Variants in C4orf50 observed in about 807,000 individuals in gnomAD.
C4orf50 encodes uncharacterized protein C4orf50.
In C4orf50, 80 loss-of-function variants were observed where a neutral mutation model predicts 77.2. The observed-to-expected ratio is 1.04, with a 90% CI of 0.87 to 1.25. The LOEUF (loss-of-function observed/expected upper bound fraction) is 1.25, where lower values mean the gene tolerates loss of function less well. C4orf50 is among the 50% of genes most tolerant of loss of function. The pLI is 0.00. For missense variants in C4orf50, 1,257 were observed against 1,152.9 expected (o/e 1.09, Z -1.31); for synonymous variants, 532 against 465.3 (o/e 1.14, Z -1.84).
In C4orf50 at chr4:5,958,587, T is replaced by C. The variant is rs1719098689; in HGVS notation, c.*788A>G. 6.6e-6 allele frequency: 1 copy of C among 152,148 alleles called. No homozygotes were observed. Among genetic ancestry groups the C allele is most frequent in the Non-Finnish European group, 1.5e-5 (1 of 68,048 alleles). 9.4% of individuals were successfully genotyped at this position (152,148 alleles called of 1,614,324 possible). On this transcript the variant is annotated 3_prime_UTR_variant, in exon 34 of 34. Transcript: ENST00000531445. This position sits in a 1 kb window ranked among gnomAD's most constrained non-coding sequence, Gnocchi z 5.4. ...GACACTTGCGTGCGTGCTGATTTACTCACAGGAGTATCTCTCCCATTGTCC... is the reference window on the plus strand; with the variant it reads ...GACACTTGCGTGCGTGCTGATTTACCCACAGGAGTATCTCTCCCATTGTCC...
chr4:6,010,901 A>T (rs1560603599), intron 24 of C4orf50, among the ~76,000 whole-genome samples: 1 of 152,240 alleles, frequency 6.6e-6, no homozygotes, highest in Non-Finnish European at 1.5e-5. Flanking sequence ...ACATGTATCA[A>T]CTTAGCCCAC....
At chr4:5,991,406 T>C (rs6446428) in intron 27 of C4orf50, among the ~76,000 whole-genome samples, 110,452 of 152,154 alleles carry the variant, frequency 0.73, 41,058 homozygotes, top group African/African-American at 0.87. Context: ...CTGGTGCAGG[T>C]GGTCCACTCC....
intron 25 of C4orf50, among the ~76,000 whole-genome samples, chr4:6,004,196 GGTGATGGTGA>G (rs1722066654): frequency 8.5e-6 from 1 of 118,152 alleles, no homozygotes. Flanking sequence ...TGGTGATGAT[GGTGATGGTGA>G]TGATGGTGAT....
exon 32 of C4orf50, chr4:5,967,421 A>C (rs116290136): frequency 1.9e-6 from 3 of 1,613,784 alleles, no homozygotes; most frequent in Non-Finnish European, 2.5e-6. Context: ...GACCTCTTAA[A>C]GCTGCCGTCA....
At position 5,905,940 on chromosome 4, in the gene C4orf50, G is replaced by C. The variant is rs1391914823; in HGVS notation, c.*2475-7752C>G. Among the ~76,000 whole-genome samples, 1 of 152,144 alleles carries C rather than the reference G, an allele frequency of 6.6e-6. No homozygotes were observed. Among genetic ancestry groups the C allele is most frequent in the East Asian group, 1.9e-4 (1 of 5,176 alleles). ...CAGGGGGGCGGGGGGCAGAGGGACGGATGCCCTGCTTGCCCTCCTCACGTT... is the reference window on the plus strand; with the variant it reads ...CAGGGGGGCGGGGGGCAGAGGGACGCATGCCCTGCTTGCCCTCCTCACGTT... On this transcript the variant is annotated intron_variant, in intron 7 of 7. Transcript: ENST00000324058. The surrounding 1 kb of genome is among the most constrained non-coding windows in gnomAD (Gnocchi z 5.4).
At chr4:5,996,338 G>A (rs59608868) in intron 25 of C4orf50, among the ~76,000 whole-genome samples, 17,033 of 152,068 alleles carry the variant, frequency 0.11, 1,653 homozygotes, top group African/African-American at 0.26. Flanking sequence ...AGCCCCCAGC[G>A]ATGGCACTAA....
rs551047201 is a variant in C4orf50, at chr4:5,933,880, G to T, written c.*2474+23021C>A. ...GCCAATGTGGGGGTCCTGGTGACAA[G>T]ACTGTTGGGGAGAGGAGTGGGAGGA... On this transcript the variant is annotated intron_variant, in intron 7 of 7. Coordinates refer to the C4orf50 transcript ENST00000324058. Among the ~76,000 whole-genome samples, 3 of 152,296 alleles carry T rather than the reference G, an allele frequency of 2.0e-5. No individual in the cohort carries two copies. The South Asian group carries it at 6.2e-4, about 32-fold the overall frequency.
downstream of C4orf50, among the ~76,000 whole-genome samples, chr4:5,955,438 C>T (rs547844535): frequency 5.3e-5 from 8 of 152,216 alleles, no homozygotes; most frequent in East Asian, 1.2e-3. The surrounding 1 kb of genome is among the most constrained non-coding windows in gnomAD (Gnocchi z 5.1). Context: ...TGAATGCCAC[C>T]GCCGGGCACT....
chr4:6,004,216 TGGTGATGATG>T, intron 25 of C4orf50, among the ~76,000 whole-genome samples: 2 of 105,144 alleles, frequency 1.9e-5, no homozygotes, highest in South Asian at 3.0e-4. Flanking sequence ...ATGATGGTGA[TGGTGATGATG>T]TGATGGTGAT....
At chr4:5,909,539 CT>C (rs1240013974) in intron 7 of C4orf50, among the ~76,000 whole-genome samples, 1 of 152,098 alleles carries the variant, frequency 6.6e-6, no homozygotes, top group Non-Finnish European at 1.5e-5. Flanking sequence ...CATATTTTTG[CT>C]TTTGTTGCTT....
chr4:5,971,219 GC>G (rs1363979270), intron 31 of C4orf50, among the ~76,000 whole-genome samples: 2 of 152,184 alleles, frequency 1.3e-5, no homozygotes, highest in African/African-American at 4.8e-5. Context: ...GAGCCCAAAG[GC>G]CCCCATCGGG....
At chr4:5,984,929 A>G (rs1438294559) in intron 28 of C4orf50, among the ~76,000 whole-genome samples, 2 of 152,098 alleles carry the variant, frequency 1.3e-5, no homozygotes, top group Admixed American at 6.5e-5. Flanking sequence ...ATTATAGTGA[A>G]GCTGCCAAAA....
chr4:5,950,057 C>A (rs868211774), intron 7 of C4orf50, among the ~76,000 whole-genome samples: 1 of 150,136 alleles, frequency 6.7e-6, no homozygotes, highest in African/African-American at 2.4e-5. Flanking sequence ...CAAAAGTTGG[C>A]GCAAAAAATT....
chr4:5,950,254 CTGAT>C (rs1217228173), intron 7 of C4orf50, among the ~76,000 whole-genome samples: 1 of 152,058 alleles, frequency 6.6e-6, no homozygotes, highest in Non-Finnish European at 1.5e-5. Flanking sequence ...CATTTGAACA[CTGAT>C]TGGATATTTG....
At position 5,970,403 on chromosome 4, in the gene C4orf50, C is replaced by T. The variant is rs1210781838; in HGVS notation, c.4105-2941G>A. 2.6e-5 allele frequency among the ~76,000 whole-genome samples: 4 copies of T among 152,180 alleles called. No homozygotes were observed. The highest frequency in any genetic ancestry group is 2.9e-5 in the Non-Finnish European group (2 of 68,024). Reference sequence around the variant, plus strand: ...GACCTCTGCCATGCCAGGCTGACCTCGTGGGATTTCCCCATCCCCAAAACA... The same window carrying T: ...GACCTCTGCCATGCCAGGCTGACCTTGTGGGATTTCCCCATCCCCAAAACA... On this transcript the variant is annotated intron_variant, in intron 31 of 33. Coordinates refer to ENST00000531445, the Ensembl canonical transcript of C4orf50. The surrounding 1 kb of genome is among the most constrained non-coding windows in gnomAD (Gnocchi z 4.3).
At chr4:5,983,333 A>G (rs575705371) in intron 28 of C4orf50, among the ~76,000 whole-genome samples, 1 of 152,334 alleles carries the variant, frequency 6.6e-6, no homozygotes, top group African/African-American at 2.4e-5. Context: ...CTGCCTTGTG[A>G]CAGCTTCTCC....
intron 7 of C4orf50, among the ~76,000 whole-genome samples, chr4:5,939,104 G>T (rs1465394682): frequency 6.6e-6 from 1 of 152,134 alleles, no homozygotes; most frequent in Non-Finnish European, 1.5e-5. Context: ...TTAGCTGGGT[G>T]TTGGCGGGCA....
chr4:6,004,378 A>ACTG (rs1722128712), intron 25 of C4orf50, among the ~76,000 whole-genome samples: 1 of 33,198 alleles, frequency 3.0e-5, no homozygotes, highest in Non-Finnish European at 8.5e-5. Flanking sequence ...GGTGATGGTG[A>ACTG]TGATGGTGAT....
intron 25 of C4orf50, among the ~76,000 whole-genome samples, chr4:5,996,753 G>A (rs903891079): frequency 6.6e-6 from 1 of 152,202 alleles, no homozygotes; most frequent in Non-Finnish European, 1.5e-5. Flanking sequence ...ACAAGAACCA[G>A]TGCAGGAGCC....
Sources: allele counts gnomAD v4.1 joint callset (sites outside exome capture counted in the v4.1 genomes callset), GRCh38; gene constraint gnomAD v4.1.1; non-coding constraint Gnocchi (gnomAD v3.1); transcripts MANE v1.5; gene names NCBI Gene and HGNC (gene_info 2026-07-23, HGNC 2026-07-21).